The following NRXN3 variants were observed in gnomAD, a reference collection of about 807,000 sequenced individuals.
NRXN3 encodes the protein neurexin III.
NRXN3 carries 32 observed loss-of-function variants against 137.6 expected under a neutral mutation model. That is an observed-to-expected ratio of 0.23 (90% CI 0.18 to 0.31). The LOEUF (loss-of-function observed/expected upper bound fraction) is 0.31, where lower values mean the gene tolerates loss of function less well. Among genes scored for constraint, NRXN3 ranks in the 10% least tolerant of loss-of-function variants. The pLI is 1.00. For synonymous variants in NRXN3, 798 were observed against 784.5 expected (o/e 1.02, Z -0.29); for missense variants, 1,574 against 2,062.5 (o/e 0.76, Z 4.59).
chr14:78,397,325 C>T (rs2091564256), intron 4 of NRXN3, among the ~76,000 whole-genome samples: 1 of 151,744 alleles, frequency 6.6e-6, no homozygotes, highest in East Asian at 1.9e-4. Context: ...CTATAGTCCA[C>T]AGACCCTGTG....
At chr14:79,068,787 G>C (rs1178511730) in intron 15 of NRXN3, among the ~76,000 whole-genome samples, 1 of 152,100 alleles carries the variant, frequency 6.6e-6, no homozygotes, top group Admixed American at 6.6e-5. Context: ...CGTATGCACA[G>C]TGAATGGAAG....
intron 8 of NRXN3, among the ~76,000 whole-genome samples, chr14:78,724,808 T>A (rs1046759238): frequency 4.6e-5 from 7 of 152,116 alleles, no homozygotes; most frequent in African/African-American, 1.7e-4. Context: ...ATATTTCTCT[T>A]CTCTTTCTGT....
intron 16 of NRXN3, among the ~76,000 whole-genome samples, chr14:79,579,334 GATATATATATATTTCATATAT>G (rs1458425205): frequency 7.3e-6 from 1 of 136,344 alleles, no homozygotes; most frequent in Non-Finnish European, 1.5e-5. Flanking sequence ...GTATGTGTGA[GATATATATATATTTCATATAT>G]ATATATATAT....
rs77668818 is a variant in NRXN3, at chr14:78,549,987, T to G, written c.758-95133T>G. Among the ~76,000 whole-genome samples the G allele has an allele frequency of 8.3e-3, 1,262 of 151,696 alleles. 14 individuals are homozygous for G. The highest frequency in any genetic ancestry group is 0.029 in the African/African-American group (1,183 of 41,392). On this transcript the variant is annotated intron_variant, in intron 4 of 20. Coordinates refer to ENST00000335750, the MANE Select transcript of NRXN3 (RefSeq NM_001330195.2). ...GCACCTCTAGGATCTTTCAACTTAC[T>G]AAAGACTTTTCCTAGAGGAGGAGAC...
At chr14:79,738,338 C>T (rs1321644094) in intron 19 of NRXN3, among the ~76,000 whole-genome samples, 2 of 149,942 alleles carry the variant, frequency 1.3e-5, no homozygotes, top group Non-Finnish European at 3.0e-5. Context: ...CACACACACA[C>T]ACACACACAC....
intron 15 of NRXN3, among the ~76,000 whole-genome samples, chr14:79,186,495 T>G (rs181999617): frequency 6.6e-6 from 1 of 152,288 alleles, no homozygotes. Context: ...AAACCCAAAG[T>G]TGATTTTTTC....
intron 16 of NRXN3, among the ~76,000 whole-genome samples, chr14:79,513,243 T>TA (rs1242063551): frequency 6.6e-6 from 1 of 152,246 alleles, no homozygotes; most frequent in Non-Finnish European, 1.5e-5. Flanking sequence ...GTTTCTTGAC[T>TA]CGTGCAGTAA....
At chr14:79,539,502 A>C (rs1355694730) in intron 16 of NRXN3, among the ~76,000 whole-genome samples, 1 of 152,178 alleles carries the variant, frequency 6.6e-6, no homozygotes, top group African/African-American at 2.4e-5. Context: ...TGTCTATATA[A>C]ATAGATGTTA....
chr14:79,606,195 CTCT>C (rs142658456), intron 16 of NRXN3, among the ~76,000 whole-genome samples: 2 of 152,286 alleles, frequency 1.3e-5, no homozygotes, highest in East Asian at 1.9e-4. Context: ...TCAATCTTCT[CTCT>C]TCTTCTTCCT....
Position 78,966,162 on chromosome 14 carries a change from T to C in NRXN3, c.2533T>C (p.Tyr845His). The change falls in exon 12 of 21, where the codon TAC becomes CAC. Residue 845 changes from tyrosine (Y) to histidine (H), a missense_variant. Physicochemically the swap from Tyr to His is moderately conservative, Grantham distance 83 (BLOSUM62 2). Coordinates refer to ENST00000335750, the MANE Select transcript of NRXN3 (RefSeq NM_001330195.2). ...LQSLMFNGLLYIDLCKNGDID... is the reference protein window; with the variant it reads ...LQSLMFNGLLHIDLCKNGDID... ...GAGCCTCATGTTTAATGGCCTTCTC[T>C]ACATTGACTTGTGCAAAAATGGTGA... 2 of 1,614,214 alleles carry C rather than the reference T, an allele frequency of 1.2e-6. No homozygotes were observed. Among genetic ancestry groups the C allele is most frequent in the Non-Finnish European group, 1.7e-6 (2 of 1,180,028 alleles).
intron 19 of NRXN3, among the ~76,000 whole-genome samples, chr14:79,776,886 T>C (rs2099098775): frequency 6.6e-6 from 1 of 152,228 alleles, no homozygotes; most frequent in Non-Finnish European, 1.5e-5. Flanking sequence ...CAAAAATTGA[T>C]TTGGTTGTTC....
intron 10 of NRXN3, among the ~76,000 whole-genome samples, chr14:78,956,460 G>A (rs1180276154): frequency 1.3e-5 from 2 of 152,152 alleles, no homozygotes; most frequent in Non-Finnish European, 2.9e-5. Flanking sequence ...AGCATCTGGA[G>A]CATGGATCTC....
intron 4 of NRXN3, among the ~76,000 whole-genome samples, chr14:78,487,924 G>C (rs908963089): frequency 6.6e-6 from 1 of 151,854 alleles, no homozygotes; most frequent in Admixed American, 6.6e-5. Context: ...ATTTTTCACA[G>C]GGTGTATCAG....
chr14:78,881,093 G>A (rs1320613678), intron 10 of NRXN3, among the ~76,000 whole-genome samples: 2 of 151,620 alleles, frequency 1.3e-5, no homozygotes, highest in Non-Finnish European at 2.9e-5. Flanking sequence ...GTCATGTGAA[G>A]AAGGATGTGT....
intron 2 of NRXN3, among the ~76,000 whole-genome samples, chr14:78,256,305 A>G (rs1483853024): frequency 6.6e-6 from 1 of 152,220 alleles, no homozygotes; most frequent in Non-Finnish European, 1.5e-5. Flanking sequence ...CATGCAAAGG[A>G]GGATGATGAT....
chr14:79,371,916 T>C (rs924477729), intron 15 of NRXN3, among the ~76,000 whole-genome samples: 6 of 152,170 alleles, frequency 3.9e-5, no homozygotes, highest in African/African-American at 1.4e-4. Flanking sequence ...AAGGAAACTC[T>C]TTAAAATAAT....
At chr14:79,535,635 C>T (rs769867059) in intron 16 of NRXN3, among the ~76,000 whole-genome samples, 1 of 152,066 alleles carries the variant, frequency 6.6e-6, no homozygotes, top group Non-Finnish European at 1.5e-5. Flanking sequence ...ATATACCAGG[C>T]ATTCTATATA....
chr14:78,553,736 T>C (rs2152216456), intron 4 of NRXN3, among the ~76,000 whole-genome samples: 1 of 152,328 alleles, frequency 6.6e-6, no homozygotes, highest in East Asian at 1.9e-4. Flanking sequence ...TTTCTACCCA[T>C]ACCCTCATCC....
intron 15 of NRXN3, chr14:78,988,414 A>T: frequency 2.5e-6 from 1 of 404,178 alleles, no homozygotes; most frequent in Non-Finnish European, 4.6e-6. Context: ...CACAGCAGCA[A>T]ACCATTTCAG....
Sources: allele counts gnomAD v4.1 joint callset (sites outside exome capture counted in the v4.1 genomes callset), GRCh38; gene constraint gnomAD v4.1.1; transcripts MANE v1.5; gene names NCBI Gene and HGNC (gene_info 2026-07-23, HGNC 2026-07-21).